The following ZNF81 variants were observed in gnomAD, a reference collection of about 807,000 sequenced individuals.
The protein encoded by ZNF81 is zinc finger protein 81.
In ZNF81, 5 loss-of-function variants were observed where a neutral mutation model predicts 32.3. The observed-to-expected ratio is 0.15, with a 90% confidence interval of 0.08 to 0.33. The LOEUF (loss-of-function observed/expected upper bound fraction) is 0.33, where lower values mean the gene tolerates loss of function less well. Among genes scored for constraint, ZNF81 ranks in the 10% least tolerant of loss-of-function variants. The pLI is 1.00. For synonymous variants in ZNF81, 163 were observed against 166.8 expected (o/e 0.98, Z 0.17); for missense variants, 379 against 479.8 (o/e 0.79, Z 1.96).
At chrX:47,893,794 CA>C (rs34645071) in intron 3 of ZNF81, among the ~76,000 whole-genome samples, 20 of 58,052 alleles carry the variant, frequency 3.4e-4, no homozygotes, top group Non-Finnish European at 2.3e-4. Flanking sequence ...GACTCTGTCT[CA>C]AAAAAAAAAA....
At position 47,919,932 on chromosome X, in the gene ZNF81, G is replaced by A; in HGVS notation, c.*3300G>A. 1 of 112,191 alleles carries A rather than the reference G, an allele frequency of 8.9e-6. No homozygotes were observed. The highest frequency in any genetic ancestry group is 1.9e-5 in the Non-Finnish European group (1 of 53,239). The allele number at this position is 112,191 out of a possible 1,213,427, so 9.2% of individuals were successfully genotyped here. ...TAGGTCAACTGAGTCTAGGTCTGTT[G>A]TTGTCTTCTCTTGCTCTTTTGCATC... On this transcript the variant is annotated 3_prime_UTR_variant, in exon 5 of 5. Coordinates refer to ENST00000338637, the MANE Select transcript of ZNF81 (RefSeq NM_007137.5).
intron 1 of ZNF81, among the ~76,000 whole-genome samples, chrX:47,837,585 A>G (rs1459785559): frequency 1.8e-5 from 2 of 111,728 alleles, no homozygotes; most frequent in African/African-American, 6.5e-5. Flanking sequence ...TTGCTTATGG[A>G]TGTCCAGACT....
chrX:47,895,185 ATG>A (rs1556887012), intron 3 of ZNF81, among the ~76,000 whole-genome samples: 2 of 111,349 alleles, frequency 1.8e-5, no homozygotes, highest in Non-Finnish European at 3.8e-5. Flanking sequence ...ATACTTCAGA[ATG>A]TGACCATATT....
chrX:47,841,703 C>G (rs782034874), intron 1 of ZNF81: 1 of 644,312 alleles, frequency 1.6e-6, no homozygotes, highest in East Asian at 3.2e-5. Context: ...GCTCTGCCAT[C>G]TTTCTAGTCG....
intron 4 of ZNF81, among the ~76,000 whole-genome samples, chrX:47,913,072 G>A (rs1424001901): frequency 9.0e-6 from 1 of 111,496 alleles, no homozygotes; most frequent in East Asian, 2.8e-4. Flanking sequence ...TTGGAGTATA[G>A]ACATCTATTT....
chrX:47,902,656 T>C (rs782648120), intron 4 of ZNF81, among the ~76,000 whole-genome samples: 1 of 112,449 alleles, frequency 8.9e-6, no homozygotes, highest in African/African-American at 3.2e-5. Flanking sequence ...TTAAAAAATA[T>C]CTAAATGTTT....
At position 47,917,255 on chromosome X, in the gene ZNF81, T is replaced by C; in HGVS notation, c.*623T>C. 3.4e-6 allele frequency: 1 copy of C among 297,517 alleles called. No individual in the cohort carries two copies. The highest frequency in any genetic ancestry group is 5.9e-6 in the Non-Finnish European group (1 of 170,104). 24.5% of individuals were successfully genotyped at this position (297,517 alleles called of 1,213,427 possible). A position where few individuals can be genotyped will look rare whatever the true frequency, so the allele number is the denominator to read the frequency against. On this transcript the variant is annotated 3_prime_UTR_variant, in exon 5 of 5. Coordinates refer to ENST00000338637, the MANE Select transcript of ZNF81 (RefSeq NM_007137.5). ...CAATTTAAAAGTCACTTTGGTTTTA[T>C]ATATACACACATCTGCAGATATAAT... is the stretch of plus-strand genomic sequence containing the variant.
rs2058785757 is a variant in ZNF81 at position 47,924,509 on chromosome X, T to G, written c.*7877T>G. On this transcript the variant is annotated 3_prime_UTR_variant, in exon 5 of 5. Transcript: ENST00000338637. ...TTGCTTAACATTTTTTCTGATCCAT[T>G]TCTTCTCTTCTTCAGGGACATCAAT... 8.9e-6 allele frequency among the ~76,000 whole-genome samples: 1 copy of G among 112,155 alleles called. No homozygotes were observed. The highest frequency in any genetic ancestry group is 3.6e-4 in the South Asian group (1 of 2,743).
rs1472698120 is a variant in ZNF81 at position 47,888,122 on chromosome X, G to A, written c.178G>A (p.Val60Met). Residue 60 changes from valine (V) to methionine (M), a missense_variant, in exon 3 of 5, where the codon GTG becomes ATG. Val to Met is a conservative substitution (Grantham distance 21, BLOSUM62 1). Coordinates refer to ENST00000338637, the MANE Select transcript of ZNF81 (RefSeq NM_007137.5). Reference sequence around the variant, plus strand: ...GGAGAACTACAGCCACCTGCTCTCAGTGGGTAAGGACAACCATCCTGTGAA... The same window carrying A: ...GGAGAACTACAGCCACCTGCTCTCAATGGGTAAGGACAACCATCCTGTGAA... ...MLENYSHLLSVGFEVPKPEVI... is the reference protein window; with the variant it reads ...MLENYSHLLSMGFEVPKPEVI... 2 of 1,206,485 alleles carry A rather than the reference G, an allele frequency of 1.7e-6. No homozygotes were observed. Among genetic ancestry groups the A allele is most frequent in the African/African-American group, 3.5e-5 (2 of 56,866 alleles).
At position 47,915,211 on chromosome X, in the gene ZNF81, C is replaced by CTT. The variant is rs1556890472; in HGVS notation, c.565_566insTT (p.Pro189LeufsTer16). ...AAATCTCATTCTTTCACAGAAAAGACCCCATAAACGTGATTCATTTGGGAA... is the reference window on the plus strand; with the variant it reads ...AAATCTCATTCTTTCACAGAAAAGACTTCCCATAAACGTGATTCATTTGGGAA... On this transcript the variant is annotated frameshift_variant, in exon 5 of 5. Coordinates refer to ENST00000338637, the MANE Select transcript of ZNF81 (RefSeq NM_007137.5). LOFTEE classifies it high-confidence loss of function. The CTT allele has an allele frequency of 2.5e-6, 3 of 1,206,863 alleles. No homozygotes were observed. Among genetic ancestry groups the CTT allele is most frequent in the Non-Finnish European group, 3.4e-6 (3 of 893,109 alleles).
chrX:47,880,472 C>T (rs1339098601), intron 2 of ZNF81, among the ~76,000 whole-genome samples: 1 of 112,278 alleles, frequency 8.9e-6, no homozygotes, highest in African/African-American at 3.2e-5. Context: ...CCTTGGCCTC[C>T]CAAAGTGCTG....
chrX:47,867,851 T>C (rs782315124), intron 2 of ZNF81, among the ~76,000 whole-genome samples: 53 of 111,998 alleles, frequency 4.7e-4, no homozygotes, highest in African/African-American at 1.7e-3. Context: ...AGGGACCTGA[T>C]ATTCTAATTT....
intron 2 of ZNF81, among the ~76,000 whole-genome samples, chrX:47,854,641 G>A (rs782519439): frequency 6.2e-4 from 69 of 111,496 alleles, no homozygotes; most frequent in African/African-American, 2.1e-3. Context: ...AGGGAGGCCC[G>A]AGGAGAGGGA....
At chrX:47,865,271 A>T (rs1439461537) in intron 2 of ZNF81, among the ~76,000 whole-genome samples, 1 of 112,114 alleles carries the variant, frequency 8.9e-6, no homozygotes, top group African/African-American at 3.2e-5. Flanking sequence ...TTAGTCATCA[A>T]GTCTGAATCA....
At chrX:47,902,757 C>T (rs979898136) in intron 4 of ZNF81, among the ~76,000 whole-genome samples, 3 of 111,871 alleles carry the variant, frequency 2.7e-5, no homozygotes, top group Non-Finnish European at 3.8e-5. Flanking sequence ...TGAAAATCGA[C>T]ACATCAGAAC....
rs1556890441 is a variant in ZNF81 at position 47,915,158 on chromosome X, A to C, written c.512A>C (p.Asp171Ala). The change falls in exon 5 of 5, where the codon GAC becomes GCC. Residue 171 changes from aspartate (D) to alanine (A), a missense_variant. Around this residue, in one of 2 missense-constraint regions of ZNF81, gnomAD observed 277 missense variants for 306.6 expected, o/e 0.90. Transcript: ENST00000338637. ...LNTEWDYEYKDFGKFVHPSPN... is the reference protein window; with the variant it reads ...LNTEWDYEYKAFGKFVHPSPN... Reference sequence around the variant, plus strand: ...ACAGAGTGGGATTATGAATATAAAGACTTTGGAAAATTTGTTCATCCAAGC... The same window carrying C: ...ACAGAGTGGGATTATGAATATAAAGCCTTTGGAAAATTTGTTCATCCAAGC... The C allele has an allele frequency of 1.7e-6, 2 of 1,200,023 alleles. No individual in the cohort carries two copies. The highest frequency in any genetic ancestry group is 1.1e-6 in the Non-Finnish European group (1 of 890,673).
intron 2 of ZNF81, chrX:47,861,059 A>G (rs1280407075): frequency 8.9e-6 from 1 of 112,191 alleles, no homozygotes; most frequent in Non-Finnish European, 1.9e-5. Context: ...TGTTTTACTG[A>G]GTTCTATGAG....
At chrX:47,837,540 T>C (rs2058430408) in intron 1 of ZNF81, among the ~76,000 whole-genome samples, 1 of 112,424 alleles carries the variant, frequency 8.9e-6, no homozygotes, top group Non-Finnish European at 1.9e-5. Flanking sequence ...TTACTTTTTG[T>C]ATAAAGTATG....
intron 1 of ZNF81, among the ~76,000 whole-genome samples, chrX:47,845,137 G>A (rs1361422249): frequency 2.7e-5 from 3 of 111,623 alleles, no homozygotes; most frequent in Non-Finnish European, 5.7e-5. Flanking sequence ...AATTTAACTT[G>A]TTCATGCCTT....
Sources: gnomAD v4.1 joint callset for allele counts (sites outside exome capture counted in the v4.1 genomes callset) on GRCh38, gnomAD v4.1.1 for gene constraint, gnomAD v4.1.1 regional missense constraint, MANE v1.5 for transcripts, NCBI Gene and HGNC (gene_info 2026-07-23, HGNC 2026-07-21) for gene names.